XKR6: variants seen among roughly 807,000 people sequenced by gnomAD.
XKR6 encodes XK-related protein 6.
In XKR6, 22 loss-of-function variants were observed where a neutral mutation model predicts 56.7. The observed-to-expected ratio is 0.39, with a 90% confidence interval of 0.28 to 0.55. The LOEUF (loss-of-function observed/expected upper bound fraction) is 0.55, where lower values mean the gene tolerates loss of function less well. XKR6 is among the 20% of genes least tolerant of loss of function. The pLI is 0.66. For missense variants in XKR6, 852 were observed against 889.0 expected, an observed-to-expected ratio of 0.96 and a Z score of 0.53; for synonymous variants, 524 against 387.8, an observed-to-expected ratio of 1.35 and a Z score of -4.13.
At chr8:10,970,466 A>G (rs1389452268) in intron 1 of XKR6, among the ~76,000 whole-genome samples, 1 of 152,206 alleles carries the variant, frequency 6.6e-6, no homozygotes, top group Non-Finnish European at 1.5e-5. Context: ...ACCAAGACAC[A>G]AGGTCTCAAT....
At chr8:11,155,961 T>C (rs1332986368) in intron 1 of XKR6, among the ~76,000 whole-genome samples, 1 of 152,226 alleles carries the variant, frequency 6.6e-6, no homozygotes, top group East Asian at 1.9e-4. Context: ...CTGTGTGAAC[T>C]CAACCCTTCC....
At chr8:10,951,477 G>A (rs1048681018) in intron 1 of XKR6, among the ~76,000 whole-genome samples, 4 of 152,232 alleles carry the variant, frequency 2.6e-5, no homozygotes, top group South Asian at 2.1e-4. Context: ...GCTGCATCGG[G>A]AAGAACTTGG....
intron 1 of XKR6, among the ~76,000 whole-genome samples, chr8:10,997,045 C>T (rs1266548407): frequency 6.6e-6 from 1 of 152,214 alleles, no homozygotes; most frequent in Non-Finnish European, 1.5e-5. Context: ...CAAACACACA[C>T]ACATGTACGC....
chr8:10,984,740 A>C (rs1042807064), intron 1 of XKR6, among the ~76,000 whole-genome samples: 197 of 106,308 alleles, frequency 1.9e-3, no homozygotes, highest in Admixed American at 3.4e-3. Flanking sequence ...CTCTATATAT[A>C]TATATATATA....
At chr8:10,910,317 A>G (rs1049719988) in intron 2 of XKR6, among the ~76,000 whole-genome samples, 1 of 152,110 alleles carries the variant, frequency 6.6e-6, no homozygotes, top group Non-Finnish European at 1.5e-5. Flanking sequence ...GGCTGTGCCT[A>G]ATAACTGAAG....
chr8:11,124,255 C>A (rs1036013922), intron 1 of XKR6: 5 of 346,508 alleles, frequency 1.4e-5, no homozygotes, highest in Non-Finnish European at 2.8e-5. Flanking sequence ...GAAAGTGAAA[C>A]CCCTCTGTTA....
At position 10,897,853 on chromosome 8, in the gene XKR6, G is replaced by T. The variant is rs1799927940; in HGVS notation, c.*99C>A. 6 of 1,449,794 alleles carry T rather than the reference G, an allele frequency of 4.1e-6. No homozygotes were observed. The highest frequency in any genetic ancestry group is 5.5e-6 in the Non-Finnish European group (6 of 1,097,202). The allele number at this position is 1,449,794 out of a possible 1,614,324, so 89.8% of individuals were successfully genotyped here. A position where few individuals can be genotyped will look rare whatever the true frequency, so the allele number is the denominator to read the frequency against. The stretch of plus-strand genomic sequence containing the variant: ...TGGCGGTGTTGGTGGTGGTGGCGGT[G>T]GTTCTGTGTATTGGGGGAAGGGAGG... On this transcript the variant is annotated 3_prime_UTR_variant, in exon 3 of 3. Transcript: ENST00000416569.
intron 1 of XKR6, among the ~76,000 whole-genome samples, chr8:10,946,659 T>C (rs1003335139): frequency 2.6e-5 from 4 of 151,986 alleles, no homozygotes; most frequent in African/African-American, 4.8e-5. Context: ...CTCTCAGTCG[T>C]ATTCAAGCAC....
At chr8:11,178,664 T>TAC (rs1715020915) in intron 1 of XKR6, among the ~76,000 whole-genome samples, 1 of 133,798 alleles carries the variant, frequency 7.5e-6, no homozygotes. Flanking sequence ...TATATATATA[T>TAC]ACACAGAGAT....
At chr8:11,127,555 AT>A (rs1271301630) in intron 1 of XKR6, among the ~76,000 whole-genome samples, 1 of 152,152 alleles carries the variant, frequency 6.6e-6, no homozygotes, top group Admixed American at 6.5e-5. Context: ...GACCACATAT[AT>A]TCATTGGCTT....
At chr8:10,949,766 G>A (rs1410207636) in intron 1 of XKR6, among the ~76,000 whole-genome samples, 2 of 152,176 alleles carry the variant, frequency 1.3e-5, no homozygotes, top group East Asian at 1.9e-4. Flanking sequence ...GGAGCTCTGC[G>A]GGCAGAGGAG....
intron 1 of XKR6, among the ~76,000 whole-genome samples, chr8:11,144,877 G>A (rs1800900925): frequency 1.3e-5 from 2 of 150,828 alleles, no homozygotes; most frequent in South Asian, 2.1e-4. Flanking sequence ...GAGGGGAAAG[G>A]AGAGAAGGGG....
chr8:11,057,499 T>A (rs1411213056), intron 1 of XKR6, among the ~76,000 whole-genome samples: 1 of 152,242 alleles, frequency 6.6e-6, no homozygotes, highest in Admixed American at 6.5e-5. Context: ...AAGTGCATCG[T>A]CGTGGCTCAT....
At chr8:10,939,491 C>T (rs1040488863) in intron 1 of XKR6, among the ~76,000 whole-genome samples, 4 of 152,234 alleles carry the variant, frequency 2.6e-5, no homozygotes, top group Non-Finnish European at 4.4e-5. Context: ...AAGCCAGCTC[C>T]TGAGAGGGGT....
At chr8:11,033,260 T>TGATGATGATGGC (rs1256024972) in intron 1 of XKR6, among the ~76,000 whole-genome samples, 1 of 151,282 alleles carries the variant, frequency 6.6e-6, no homozygotes, top group Non-Finnish European at 1.5e-5. Context: ...GAGATGCTAA[T>TGATGATGATGGC]GATGATGATG....
At chr8:10,938,172 G>A (rs1441015929) in intron 1 of XKR6, among the ~76,000 whole-genome samples, 8 of 152,158 alleles carry the variant, frequency 5.3e-5, no homozygotes, top group Middle Eastern at 3.2e-3. Context: ...TTGCAGGTGC[G>A]TCTGTCACCC....
At chr8:11,164,502 A>G (rs911643966) in intron 1 of XKR6, among the ~76,000 whole-genome samples, 31 of 152,244 alleles carry the variant, frequency 2.0e-4, no homozygotes, top group African/African-American at 7.5e-4. Flanking sequence ...GCAGAAAAGA[A>G]TGAAATAAAG....
rs117187438 is a variant in XKR6, at chr8:11,141,530, T to C, written c.764+59046A>G. Among the ~76,000 whole-genome samples, 1,087 of 152,232 alleles carry C rather than the reference T, an allele frequency of 7.1e-3. 8 individuals carry two copies. The highest frequency in any genetic ancestry group is 0.024 in the Middle Eastern group (7 of 294). On this transcript the variant is annotated intron_variant, in intron 1 of 2. Coordinates refer to ENST00000416569, the MANE Select transcript of XKR6 (RefSeq NM_173683.4). The stretch of plus-strand genomic sequence containing the variant: ...CAAATGACCTGCGGTCCTTAGAGGA[T>C]AGGTGGCTTGCAAAGAGAAACAAGT...
intron 2 of XKR6, among the ~76,000 whole-genome samples, chr8:10,916,486 A>G (rs1282301496): frequency 1.3e-5 from 2 of 152,226 alleles, no homozygotes; most frequent in South Asian, 2.1e-4. Flanking sequence ...GAAAAAAGAA[A>G]TCTCCCACAA....
Sources: gnomAD v4.1 joint callset for allele counts (sites outside exome capture counted in the v4.1 genomes callset) on GRCh38, gnomAD v4.1.1 for gene constraint, MANE v1.5 for transcripts, NCBI Gene and HGNC (gene_info 2026-07-23, HGNC 2026-07-21) for gene names.